SYT10: variants seen among roughly 807,000 people sequenced by gnomAD.
SYT10 encodes synaptotagmin-10.
Under a neutral mutation model 51.1 loss-of-function variants are expected in SYT10, and 31 were observed. The ratio of observed to expected loss-of-function variants is 0.61; its 90% CI spans 0.46 to 0.82. The LOEUF (loss-of-function observed/expected upper bound fraction) is 0.82, where lower values mean the gene tolerates loss of function less well. Among genes scored for constraint, SYT10 ranks in the 40% least tolerant of loss-of-function variants. SYT10 has a pLI of 0.00. For synonymous variants in SYT10, 233 were observed against 225.9 expected (o/e 1.03, Z -0.28); for missense variants, 603 against 634.0 (o/e 0.95, Z 0.53).
rs1328790082 is a variant in SYT10 at position 33,374,366 on chromosome 12, C to T, written c.*2464G>A. ...ACTGTCATTAAAATGTGATGTCCCA[C>T]ACAAATAAGGGGATTTGTAATATCA... On this transcript the variant is annotated 3_prime_UTR_variant, in exon 7 of 7. Coordinates refer to ENST00000228567, the MANE Select transcript of SYT10 (RefSeq NM_198992.4). 6.6e-6 allele frequency: 1 copy of T among 151,686 alleles called. No individual in the cohort carries two copies. Among genetic ancestry groups the T allele is most frequent in the Non-Finnish European group, 1.5e-5 (1 of 67,876 alleles). 9.4% of individuals were successfully genotyped at this position (151,686 alleles called of 1,614,324 possible).
chr12:33,412,590 G>A (rs1009600913), intron 2 of SYT10, among the ~76,000 whole-genome samples: 11 of 151,936 alleles, frequency 7.2e-5, no homozygotes, highest in Admixed American at 3.3e-4. Context: ...GGTAAAAACC[G>A]CAATTACTTT....
Position 33,426,426 on chromosome 12 carries a change from A to C in SYT10, c.221T>G (p.Phe74Cys). Residue 74 changes from phenylalanine (F) to cysteine (C), a missense_variant, in exon 2 of 7, where the codon TTT (phenylalanine) becomes TGT (cysteine). By Grantham distance (205) the Phe-to-Cys change is radical. Transcript: ENST00000228567. ...TGGCCAACACAGCTTCCAGAAGACA[A>C]AAAGTGAGACAACCAACAAGGCCAG... Reference protein sequence around the residue: ...CGLALLVVSLFVFWKLCWPCW... With the variant: ...CGLALLVVSLCVFWKLCWPCW... The C allele has an allele frequency of 6.2e-7, 1 of 1,613,948 alleles. No individual in the cohort carries two copies. The highest frequency in any genetic ancestry group is 1.3e-5 in the African/African-American group (1 of 75,048).
Position 33,407,282 on chromosome 12 carries a change from G to A in SYT10, c.584C>T (p.Pro195Leu). The A allele has an allele frequency of 1.9e-6, 3 of 1,613,050 alleles. No individual in the cohort carries two copies. The highest frequency in any genetic ancestry group is 1.7e-6 in the Non-Finnish European group (2 of 1,180,034). ...SSVDFSMGTEPVLQRGETTTS... is the reference protein window; with the variant it reads ...SSVDFSMGTELVLQRGETTTS... ...TGTTGTTTCTCCTCGTTGTAAAACA[G>A]GTTCTGTGCCCATGCTAAAATCAAC... Residue 195 changes from proline to leucine, a missense_variant, in exon 3 of 7, where the codon CCT becomes CTT. By Grantham distance (98) the Pro-to-Leu change is moderately conservative (BLOSUM62 -3). Coordinates refer to ENST00000228567, the MANE Select transcript of SYT10 (RefSeq NM_198992.4).
chr12:33,417,330 G>A (rs1866463087), intron 2 of SYT10, among the ~76,000 whole-genome samples: 1 of 152,054 alleles, frequency 6.6e-6, no homozygotes, highest in African/African-American at 2.4e-5. Context: ...GGCTTTATAA[G>A]AAGAGGAAGA....
At chr12:33,377,937 G>C (rs1444801132) in intron 6 of SYT10, among the ~76,000 whole-genome samples, 3 of 151,998 alleles carry the variant, frequency 2.0e-5, no homozygotes, top group African/African-American at 7.2e-5. Context: ...TGAGGAACCC[G>C]ATTTTCTACA....
chr12:33,398,316 A>T (rs1866274533), intron 3 of SYT10, among the ~76,000 whole-genome samples: 1 of 152,078 alleles, frequency 6.6e-6, no homozygotes, highest in African/African-American at 2.4e-5. Flanking sequence ...GATCGAGACC[A>T]TCCTGGCTAA....
At chr12:33,380,715 C>T (rs1159901490) in intron 5 of SYT10, among the ~76,000 whole-genome samples, 2 of 151,908 alleles carry the variant, frequency 1.3e-5, no homozygotes, top group Non-Finnish European at 1.5e-5. Context: ...ACTAAATGCC[C>T]AGAAGATTAG....
intron 2 of SYT10, among the ~76,000 whole-genome samples, chr12:33,408,666 C>T (rs1214101849): frequency 6.6e-6 from 1 of 152,116 alleles, no homozygotes; most frequent in Non-Finnish European, 1.5e-5. Flanking sequence ...TCAGATAAAT[C>T]CCAGCTACAT....
At position 33,439,471 on chromosome 12, in the gene SYT10, G is replaced by A. The variant is rs1448664581; in HGVS notation, c.52C>T (p.His18Tyr). 6.2e-7 allele frequency: 1 copy of A among 1,614,224 alleles called. No homozygotes were observed. Among genetic ancestry groups the A allele is most frequent in the South Asian group, 1.1e-5 (1 of 91,092 alleles). Residue 18 changes from histidine (H) to tyrosine (Y), a missense_variant, in exon 1 of 7, where the codon CAC becomes TAC. His to Tyr is a moderately conservative substitution (Grantham distance 83). Coordinates refer to ENST00000228567, the MANE Select transcript of SYT10 (RefSeq NM_198992.4). ...GCGAAGCACAGCTCGGTGACGATGT[G>A]CAGAGCCTTCTGGCACAGACTGTTC... Reference protein sequence around the residue: ...GVNSLCQKALHIVTELCFAGQ... With the variant: ...GVNSLCQKALYIVTELCFAGQ...
At chr12:33,400,818 G>A (rs755666390) in intron 3 of SYT10, among the ~76,000 whole-genome samples, 15 of 152,128 alleles carry the variant, frequency 9.9e-5, no homozygotes, top group Non-Finnish European at 1.8e-4. Context: ...TTGAGGTCAG[G>A]AGTTCGAGAC....
At chr12:33,382,559 T>C in intron 4 of SYT10, 39 bp from the exon 5 acceptor site, 1 of 1,539,242 alleles carries the variant, frequency 6.5e-7, no homozygotes, top group Non-Finnish European at 8.7e-7. Flanking sequence ...ATAAAAGTAA[T>C]AGTACAAAGC....
At chr12:33,401,359 T>A (rs185641294) in intron 3 of SYT10, among the ~76,000 whole-genome samples, 42 of 152,286 alleles carry the variant, frequency 2.8e-4, no homozygotes, top group Non-Finnish European at 5.7e-4. Context: ...GTTTCTATGC[T>A]CGTATTAGAG....
At chr12:33,383,484 C>G (rs1459687977) in intron 4 of SYT10, among the ~76,000 whole-genome samples, 1 of 152,036 alleles carries the variant, frequency 6.6e-6, no homozygotes, top group African/African-American at 2.4e-5. Flanking sequence ...CATCAAGAAG[C>G]AAGGTATTCG....
At chr12:33,398,216 A>G (rs1391192290) in intron 3 of SYT10, among the ~76,000 whole-genome samples, 1 of 152,102 alleles carries the variant, frequency 6.6e-6, no homozygotes, top group Non-Finnish European at 1.5e-5. Flanking sequence ...CATTATAAAA[A>G]GAAGCAATAG....
chr12:33,393,773 G>T (rs1423898029), intron 3 of SYT10, among the ~76,000 whole-genome samples: 1 of 152,168 alleles, frequency 6.6e-6, no homozygotes. Flanking sequence ...TCATCAGAGA[G>T]TTCTTATCTG....
At chr12:33,401,537 T>C (rs2138408994) in intron 3 of SYT10, among the ~76,000 whole-genome samples, 1 of 152,310 alleles carries the variant, frequency 6.6e-6, no homozygotes, top group East Asian at 1.9e-4. Flanking sequence ...TAATTTATTA[T>C]TAATGAAATC....
At position 33,376,405 on chromosome 12, in the gene SYT10, T is replaced by C. The variant is rs1382019965; in HGVS notation, c.*425A>G. 6.3e-6 allele frequency: 1 copy of C among 158,652 alleles called. No homozygotes were observed. The highest frequency in any genetic ancestry group is 1.4e-5 in the Non-Finnish European group (1 of 71,804). 9.8% of individuals were successfully genotyped at this position (158,652 alleles called of 1,614,324 possible). On this transcript the variant is annotated 3_prime_UTR_variant, in exon 7 of 7. Coordinates refer to ENST00000228567, the MANE Select transcript of SYT10 (RefSeq NM_198992.4). ...AGTTCAAAATCTCCTTTTAAGTTTA[T>C]ACAGAACCACCTGCACAACTAGAAA... is the stretch of plus-strand genomic sequence containing the variant.
Position 33,426,246 on chromosome 12 carries a change from C to A in SYT10, c.401G>T (p.Ser134Ile). Residue 134 changes from serine to isoleucine, a missense_variant, in exon 2 of 7, where the codon AGC (serine) becomes ATC (isoleucine). Physicochemically the swap from Ser to Ile is moderately radical, Grantham distance 142. Transcript: ENST00000228567. Reference sequence around the variant, plus strand: ...TGCTGGGATGTCAGGGGAAGTGTGGCTGATTTTTATTGCAGGCTCAATAGC... The same window carrying A: ...TGCTGGGATGTCAGGGGAAGTGTGGATGATTTTTATTGCAGGCTCAATAGC... ...VKAIEPAIKI[S>I]HTSPDIPAEV... 1 of 1,614,116 alleles carries A rather than the reference C, an allele frequency of 6.2e-7. No individual in the cohort carries two copies. The highest frequency in any genetic ancestry group is 8.5e-7 in the Non-Finnish European group (1 of 1,180,024).
intron 1 of SYT10, among the ~76,000 whole-genome samples, chr12:33,434,318 T>C (rs554480802): frequency 6.6e-6 from 1 of 152,372 alleles, no homozygotes; most frequent in East Asian, 1.9e-4. Context: ...TAATTTCTGC[T>C]ATTATCATAA....
Sources: allele counts gnomAD v4.1 joint callset (sites outside exome capture counted in the v4.1 genomes callset), GRCh38; gene constraint gnomAD v4.1.1; transcripts MANE v1.5; gene names NCBI Gene and HGNC (gene_info 2026-07-23, HGNC 2026-07-21).